MMP16: variants seen among roughly 807,000 people sequenced by gnomAD.
MMP16 encodes matrix metalloproteinase-16.
Under a neutral mutation model 67.8 loss-of-function variants are expected in MMP16, and 12 were observed. The observed-to-expected ratio is 0.18, with a 90% CI of 0.11 to 0.29. The LOEUF (loss-of-function observed/expected upper bound fraction) is 0.29, where lower values mean the gene tolerates loss of function less well. Among genes scored for constraint, MMP16 ranks in the 10% least tolerant of loss-of-function variants. The pLI is 1.00. For synonymous variants in MMP16, 249 were observed against 255.9 expected, an observed-to-expected ratio of 0.97 and a Z score of 0.26; for missense variants, 475 against 765.7, an observed-to-expected ratio of 0.62 and a Z score of 4.48.
chr8:88,051,247 A>G (rs1282546402), intron 8 of MMP16, among the ~76,000 whole-genome samples: 3 of 152,288 alleles, frequency 2.0e-5, no homozygotes, highest in Non-Finnish European at 4.4e-5. Flanking sequence ...AAAAAATCTC[A>G]TCCCACTGAG....
intron 1 of MMP16, among the ~76,000 whole-genome samples, chr8:88,282,033 G>A (rs944683346): frequency 1.4e-5 from 2 of 143,858 alleles, no homozygotes; most frequent in Non-Finnish European, 3.0e-5. Flanking sequence ...ACAGACTTCA[G>A]TATGAAGTTA....
At chr8:88,287,259 C>G (rs1032979326) in intron 1 of MMP16, among the ~76,000 whole-genome samples, 1 of 152,180 alleles carries the variant, frequency 6.6e-6, no homozygotes, top group African/African-American at 2.4e-5. Context: ...GACCTTTTTC[C>G]AGCCCTTTGT....
chr8:88,318,960 C>T (rs142587540), intron 1 of MMP16, among the ~76,000 whole-genome samples: 173 of 152,200 alleles, frequency 1.1e-3, no homozygotes, highest in African/African-American at 3.8e-3. Context: ...GGGACTGAGA[C>T]ACCATGTTAT....
At chr8:88,314,927 G>A (rs1438841998) in intron 1 of MMP16, among the ~76,000 whole-genome samples, 1 of 152,148 alleles carries the variant, frequency 6.6e-6, no homozygotes, top group African/African-American at 2.4e-5. Context: ...TTAACTCAGA[G>A]TCTGTCCAGC....
At chr8:88,274,300 T>C (rs1810611274) in intron 1 of MMP16, among the ~76,000 whole-genome samples, 1 of 152,070 alleles carries the variant, frequency 6.6e-6, no homozygotes, top group Non-Finnish European at 1.5e-5. Flanking sequence ...AGAATTTAAA[T>C]ATGCTTCTAA....
chr8:88,046,875 G>T, intron 8 of MMP16, 91 bp from the exon 9 acceptor site: 1 of 757,820 alleles, frequency 1.3e-6, no homozygotes. Flanking sequence ...ACATTTATTA[G>T]ACCTTTGCTG....
chr8:88,261,772 T>TACACACACACACACACAC (rs1475874060), intron 1 of MMP16, among the ~76,000 whole-genome samples: 26 of 149,658 alleles, frequency 1.7e-4, no homozygotes, highest in South Asian at 8.5e-4. Context: ...TATGTACATG[T>TACACACACACACACACAC]ACACACACAC....
At chr8:88,080,134 C>A (rs1014705291) in intron 6 of MMP16, among the ~76,000 whole-genome samples, 1 of 152,116 alleles carries the variant, frequency 6.6e-6, no homozygotes, top group Non-Finnish European at 1.5e-5. Context: ...TGGGGCAGTG[C>A]GTATTTTCCT....
intron 1 of MMP16, among the ~76,000 whole-genome samples, chr8:88,304,537 C>T (rs1305518191): frequency 1.3e-5 from 2 of 152,164 alleles, no homozygotes; most frequent in Non-Finnish European, 2.9e-5. Context: ...ATGTTAAGGG[C>T]TGCCAGAGAG....
intron 1 of MMP16, among the ~76,000 whole-genome samples, chr8:88,285,373 C>G (rs1480147994): frequency 2.0e-5 from 3 of 152,124 alleles, no homozygotes; most frequent in Non-Finnish European, 2.9e-5. Context: ...CTCCTGACCT[C>G]AGGCGATCCA....
At chr8:88,212,617 C>T (rs918449462) in intron 1 of MMP16, among the ~76,000 whole-genome samples, 3 of 152,114 alleles carry the variant, frequency 2.0e-5, no homozygotes, top group Admixed American at 6.6e-5. Context: ...TCTGCTACAA[C>T]ATTATTACTG....
chr8:88,217,872 C>T (rs1200008987), intron 1 of MMP16, among the ~76,000 whole-genome samples: 5 of 151,974 alleles, frequency 3.3e-5, no homozygotes. Context: ...TGCTTGGAGA[C>T]ACATCTTTAA....
intron 1 of MMP16, among the ~76,000 whole-genome samples, chr8:88,281,174 A>G (rs1276248980): frequency 6.6e-6 from 1 of 152,228 alleles, no homozygotes; most frequent in Non-Finnish European, 1.5e-5. Context: ...TAAAAACCAT[A>G]TCTTGTAAGA....
rs994949908 is a variant in MMP16, at chr8:88,041,365, C to T, written c.*96G>A. The T allele has an allele frequency of 6.8e-6, 9 of 1,316,776 alleles. No homozygotes were observed. The highest frequency in any genetic ancestry group is 6.1e-5 in the Admixed American group (3 of 48,802). 81.6% of individuals were successfully genotyped at this position (1,316,776 alleles called of 1,614,324 possible). On this transcript the variant is annotated 3_prime_UTR_variant, in exon 10 of 10. Coordinates refer to ENST00000286614, the MANE Select transcript of MMP16 (RefSeq NM_005941.5). This position sits in a 1 kb window ranked among gnomAD's most constrained non-coding sequence, Gnocchi z 6.0. ...CAGCCCCGAATCAGGCTGCCACAAG[C>T]CTGCTCCTAGCTAGGAAACAGCATA...
At chr8:88,183,672 T>C (rs903342622) in intron 3 of MMP16, among the ~76,000 whole-genome samples, 10 of 151,420 alleles carry the variant, frequency 6.6e-5, no homozygotes, top group Non-Finnish European at 1.5e-4. Context: ...GTAGTATTTA[T>C]TTTCATAGAT....
chr8:88,160,340 A>G (rs964486844), intron 4 of MMP16, among the ~76,000 whole-genome samples: 2 of 151,962 alleles, frequency 1.3e-5, no homozygotes, highest in African/African-American at 2.4e-5. Flanking sequence ...CATGGTGTAT[A>G]TGTGCCACAT....
chr8:88,059,147 T>G (rs1356895432), intron 7 of MMP16, among the ~76,000 whole-genome samples: 2 of 152,028 alleles, frequency 1.3e-5, no homozygotes, highest in East Asian at 3.9e-4. Flanking sequence ...AAAATAAGTT[T>G]GTAAGACACA....
At chr8:88,243,883 C>T (rs1810070421) in intron 1 of MMP16, among the ~76,000 whole-genome samples, 1 of 151,976 alleles carries the variant, frequency 6.6e-6, no homozygotes, top group Admixed American at 6.6e-5. Context: ...TTCTGGTTGC[C>T]AGAATTTTAG....
At chr8:88,110,199 A>G (rs566525174) in intron 6 of MMP16, among the ~76,000 whole-genome samples, 1 of 151,556 alleles carries the variant, frequency 6.6e-6, no homozygotes, top group African/African-American at 2.4e-5. Flanking sequence ...GTGACTGAGA[A>G]GAAAATTGGA....
Sources: allele counts gnomAD v4.1 joint callset (sites outside exome capture counted in the v4.1 genomes callset), GRCh38; gene constraint gnomAD v4.1.1; non-coding constraint Gnocchi (gnomAD v3.1); transcripts MANE v1.5; gene names NCBI Gene and HGNC (gene_info 2026-07-23, HGNC 2026-07-21).